Variants in PALS2 observed in about 807,000 individuals in gnomAD.
The protein encoded by PALS2 is protein associated with LIN7 2, MAGUK p55 family member.
In PALS2, 27 loss-of-function variants were observed where a neutral mutation model predicts 61.6. The ratio of observed to expected loss-of-function variants is 0.44; its 90% confidence interval spans 0.32 to 0.60. The LOEUF (loss-of-function observed/expected upper bound fraction) is 0.60. PALS2 is among the 20% of genes least tolerant of loss of function. PALS2 has a pLI of 0.05. For synonymous variants in PALS2, 236 were observed against 218.6 expected (o/e 1.08, Z -0.70); for missense variants, 554 against 639.4 (o/e 0.87, Z 1.44).
chr7:24,624,468 A>G (rs76799431), intron 2 of PALS2, among the ~76,000 whole-genome samples: 9,581 of 152,134 alleles, frequency 0.063, 351 homozygotes, highest in African/African-American at 0.093. Context: ...TTTTTGCTCT[A>G]TGAGAATGTT....
intron 1 of PALS2, among the ~76,000 whole-genome samples, chr7:24,617,968 T>C (rs892063503): frequency 6.6e-6 from 1 of 152,204 alleles, no homozygotes; most frequent in Non-Finnish European, 1.5e-5. Context: ...CCTACTAGTC[T>C]GTTTTTTAGG....
At chr7:24,652,532 A>G (rs1010848998) in intron 5 of PALS2, among the ~76,000 whole-genome samples, 1 of 152,270 alleles carries the variant, frequency 6.6e-6, no homozygotes, top group Admixed American at 6.5e-5. Flanking sequence ...GTGTCCTCCC[A>G]TAAAGAAGTA....
chr7:24,575,960 AT>A (rs941015778), intron 1 of PALS2, among the ~76,000 whole-genome samples: 38 of 148,084 alleles, frequency 2.6e-4, no homozygotes, highest in Admixed American at 5.4e-4. Context: ...GAGTGACTAG[AT>A]TTTTTTTTTT....
rs1238440302 is a variant in PALS2 at position 24,690,674 on chromosome 7, C to G, written c.*3060C>G. 2.0e-5 allele frequency: 3 copies of G among 152,140 alleles called. No homozygotes were observed. The highest frequency in any genetic ancestry group is 2.9e-5 in the Non-Finnish European group (2 of 68,008). The allele number at this position is 152,140 out of a possible 1,614,324, so 9.4% of individuals were successfully genotyped here. On this transcript the variant is annotated 3_prime_UTR_variant, in exon 12 of 12. Coordinates refer to ENST00000222644, the MANE Select transcript of PALS2 (RefSeq NM_001303037.2). ...CCCTAAAAAGTAGAATTTTCACTTT[C>G]ATTACAGCCATGCCTTTATTATGCA...
chr7:24,648,071 ATGAGTTGTTTTAT>A lies in PALS2; in HGVS notation c.271-1537_271-1525del, dbSNP rs144541900. Reference sequence around the variant, plus strand: ...AGGAAGAATCCTTACATATGGATTTATGAGTTGTTTTATTGAATTTTTTTCTCCAGTGTTTCAC... The same window carrying A: ...AGGAAGAATCCTTACATATGGATTTATGAATTTTTTTCTCCAGTGTTTCAC... On this transcript the variant is annotated intron_variant, in intron 3 of 11. Coordinates refer to ENST00000222644, the MANE Select transcript of PALS2 (RefSeq NM_001303037.2). Among the ~76,000 whole-genome samples, 1,168 of 152,268 alleles carry A rather than the reference ATGAGTTGTTTTAT, an allele frequency of 7.7e-3. 27 individuals carry two copies. In the East Asian group the frequency reaches 0.088, roughly 11 times the overall value.
chr7:24,692,860 A>AC lies in PALS2; in HGVS notation c.*5249dup, dbSNP rs1161668939. The stretch of plus-strand genomic sequence containing the variant: ...GAAATCACTGCAGCCCTACTGTTTT[A>AC]CCCATACCATTAATTTAAAAAGGCA... On this transcript the variant is annotated 3_prime_UTR_variant, in exon 12 of 12. Transcript: ENST00000222644. 6.6e-6 allele frequency: 1 copy of AC among 152,158 alleles called. No individual in the cohort carries two copies. The allele number at this position is 152,158 out of a possible 1,614,324, so 9.4% of individuals were successfully genotyped here. A position where few individuals can be genotyped will look rare whatever the true frequency, so the allele number is the denominator to read the frequency against.
chr7:24,679,258 C>G lies in PALS2; in HGVS notation c.1242C>G (p.Leu414=). The G allele has an allele frequency of 6.2e-7, 1 of 1,614,072 alleles. No individual in the cohort carries two copies. Among genetic ancestry groups the G allele is most frequent in the Middle Eastern group, 1.6e-4 (1 of 6,062 alleles). Reference sequence around the variant, plus strand: ...AACATGGGGAATATGAAGGAAATCTCTATGGAACCAAAATTGATTCTATTC... The same window carrying G: ...AACATGGGGAATATGAAGGAAATCTGTATGGAACCAAAATTGATTCTATTC... The part of the protein sequence containing the change: ...YLEHGEYEGN[L]YGTKIDSILE... Residue 414 remains leucine (L), a synonymous_variant, in exon 10 of 12, where the codon CTC becomes CTG. Transcript: ENST00000222644.
chr7:24,680,338 A>G (rs1562664103), intron 10 of PALS2, 54 bp from the exon 11 acceptor site: 6 of 1,545,894 alleles, frequency 3.9e-6, no homozygotes, highest in Non-Finnish European at 4.5e-6. Context: ...AAAGGGTAGC[A>G]GAATTCTAGT....
chr7:24,644,095 C>CTTTTTTTTTTTT (rs59645237), intron 3 of PALS2, among the ~76,000 whole-genome samples: 4 of 134,256 alleles, frequency 3.0e-5, no homozygotes, highest in East Asian at 2.1e-4. Context: ...TTTCTTTTTT[C>CTTTTTTTTTTTT]TTTTTTTTTT....
chr7:24,612,558 G>A (rs1007190938), intron 1 of PALS2, among the ~76,000 whole-genome samples: 34 of 151,438 alleles, frequency 2.2e-4, no homozygotes, highest in Middle Eastern at 3.4e-3. Context: ...CTCAGAACAC[G>A]GCTTCTCCAT....
chr7:24,673,136 T>A (rs1475458324), intron 9 of PALS2, among the ~76,000 whole-genome samples: 3 of 152,188 alleles, frequency 2.0e-5, no homozygotes, highest in African/African-American at 7.2e-5. Context: ...GCCAAATGCT[T>A]TTTCTTTGTT....
chr7:24,635,066 C>CT (rs374154568), intron 2 of PALS2, among the ~76,000 whole-genome samples: 227 of 152,246 alleles, frequency 1.5e-3, no homozygotes, highest in African/African-American at 5.1e-3. Flanking sequence ...CTTTGCAACT[C>CT]TATAAGAATT....
chr7:24,683,661 A>G (rs1319098398), intron 11 of PALS2, among the ~76,000 whole-genome samples: 3 of 151,948 alleles, frequency 2.0e-5, no homozygotes, highest in African/African-American at 7.3e-5. Context: ...GGTTTCTTTT[A>G]GGGTAAATGG....
intron 1 of PALS2, among the ~76,000 whole-genome samples, chr7:24,621,981 T>C (rs1784540940): frequency 1.3e-5 from 2 of 152,180 alleles, no homozygotes; most frequent in Middle Eastern, 3.4e-3. Context: ...TCAGAATCAA[T>C]TGACCATAAA....
At chr7:24,682,889 A>G (rs1487296825) in intron 11 of PALS2, among the ~76,000 whole-genome samples, 2 of 152,006 alleles carry the variant, frequency 1.3e-5, no homozygotes, top group Non-Finnish European at 2.9e-5. Context: ...TATCCCTTCT[A>G]TTTCCTGTAA....
chr7:24,679,650 C>G (rs1395260057), intron 10 of PALS2, among the ~76,000 whole-genome samples: 2 of 152,062 alleles, frequency 1.3e-5, no homozygotes, highest in East Asian at 3.8e-4. Flanking sequence ...GTTTAAAACT[C>G]AAGTCTGCAA....
chr7:24,685,183 T>A (rs191019696), intron 11 of PALS2, among the ~76,000 whole-genome samples: 1 of 152,188 alleles, frequency 6.6e-6, no homozygotes, highest in Non-Finnish European at 1.5e-5. Context: ...CTCCCACTTA[T>A]AACCCACTAG....
chr7:24,633,692 G>T (rs889706384), intron 2 of PALS2, among the ~76,000 whole-genome samples: 29 of 151,996 alleles, frequency 1.9e-4, no homozygotes, highest in African/African-American at 6.3e-4. Flanking sequence ...CCTATATTAT[G>T]AATATTGCTG....
Position 24,687,566 on chromosome 7 carries a change from G to A in PALS2, c.1575G>A (p.Glu525=). ...KAFEKLQTAI[E]KLRMEPQWVP... Reference sequence around the variant, plus strand: ...TTGAAAAACTGCAAACTGCCATAGAGAAACTGAGAATGGAACCACAGTGGG... The same window carrying A: ...TTGAAAAACTGCAAACTGCCATAGAAAAACTGAGAATGGAACCACAGTGGG... Residue 525 remains glutamate, a synonymous_variant, in exon 12 of 12, where the codon GAG becomes GAA. Coordinates refer to ENST00000222644, the MANE Select transcript of PALS2 (RefSeq NM_001303037.2). The surrounding 1 kb of genome is among the most constrained non-coding windows in gnomAD (Gnocchi z 4.5). 6.2e-7 allele frequency: 1 copy of A among 1,612,692 alleles called. No homozygotes were observed. Among genetic ancestry groups the A allele is most frequent in the Non-Finnish European group, 8.5e-7 (1 of 1,179,564 alleles).
Sources: gnomAD v4.1 joint callset for allele counts (sites outside exome capture counted in the v4.1 genomes callset) on GRCh38, gnomAD v4.1.1 for gene constraint, Gnocchi (gnomAD v3.1) non-coding constraint, MANE v1.5 for transcripts, NCBI Gene and HGNC (gene_info 2026-07-23, HGNC 2026-07-21) for gene names.